Variants in LMBR1 observed in about 807,000 individuals in gnomAD.
LMBR1 encodes limb region 1 protein homolog.
In LMBR1, 52 loss-of-function variants were observed where a neutral mutation model predicts 73.9. That is an observed-to-expected ratio of 0.70 (90% CI 0.56 to 0.89). The LOEUF is 0.89. Among genes scored for constraint, LMBR1 ranks in the 40% least tolerant of loss-of-function variants. LMBR1 has a pLI of 0.00. For synonymous variants in LMBR1, 215 were observed against 209.4 expected (o/e 1.03, Z -0.23); for missense variants, 539 against 579.8 (o/e 0.93, Z 0.72).
At chr7:156,803,764 C>T (rs1831461424) in intron 4 of LMBR1, among the ~76,000 whole-genome samples, 1 of 151,704 alleles carries the variant, frequency 6.6e-6, no homozygotes, top group Non-Finnish European at 1.5e-5. Flanking sequence ...CAATGATAGA[C>T]TGGATTAAGA....
chr7:156,814,308 T>C (rs1325281045), intron 4 of LMBR1, among the ~76,000 whole-genome samples: 1 of 152,224 alleles, frequency 6.6e-6, no homozygotes, highest in Non-Finnish European at 1.5e-5. Flanking sequence ...TATATTAGTT[T>C]AGTAAGATTT....
At chr7:156,839,243 T>C (rs1838219111) in intron 1 of LMBR1, among the ~76,000 whole-genome samples, 1 of 151,976 alleles carries the variant, frequency 6.6e-6, no homozygotes, top group Non-Finnish European at 1.5e-5. Context: ...GAGACGGGGT[T>C]TCACCATGTT....
intron 15 of LMBR1, among the ~76,000 whole-genome samples, chr7:156,697,937 T>C (rs1481686243): frequency 2.6e-5 from 4 of 151,944 alleles, no homozygotes; most frequent in Non-Finnish European, 4.4e-5. Flanking sequence ...CATATTAAAA[T>C]GAGATCTTCA....
chr7:156,732,722 G>A (rs913884173), intron 10 of LMBR1, among the ~76,000 whole-genome samples: 2 of 152,126 alleles, frequency 1.3e-5, no homozygotes, highest in African/African-American at 4.8e-5. Flanking sequence ...GAGCAGTGGG[G>A]AATACTTAAC....
chr7:156,684,727 T>G (rs1296876310), intron 16 of LMBR1, among the ~76,000 whole-genome samples: 1 of 151,700 alleles, frequency 6.6e-6, no homozygotes, highest in Non-Finnish European at 1.5e-5. Context: ...GAGGCCGAGG[T>G]GGAAGGATCG....
At chr7:156,814,955 G>A (rs1262816759) in intron 4 of LMBR1, among the ~76,000 whole-genome samples, 3 of 151,880 alleles carry the variant, frequency 2.0e-5, no homozygotes, top group Non-Finnish European at 4.4e-5. Context: ...TTGAGAGCTC[G>A]AGACCACCCT....
At chr7:156,708,815 A>G (rs1811512665) in intron 15 of LMBR1, among the ~76,000 whole-genome samples, 1 of 152,146 alleles carries the variant, frequency 6.6e-6, no homozygotes, top group Admixed American at 6.5e-5. Flanking sequence ...GGCCTGGGAC[A>G]AGGTCTGCGG....
chr7:156,804,179 T>C (rs1237684095), intron 4 of LMBR1, among the ~76,000 whole-genome samples: 1 of 152,162 alleles, frequency 6.6e-6, no homozygotes, highest in Admixed American at 6.5e-5. Flanking sequence ...ATGGATTTTC[T>C]AGAACATTAT....
chr7:156,763,241 A>G, intron 6 of LMBR1, 65 bp from the exon 7 acceptor site: 2 of 683,420 alleles, frequency 2.9e-6, no homozygotes, highest in Non-Finnish European at 4.8e-6. Flanking sequence ...TAGTCAGTCT[A>G]TCTTACGATA....
chr7:156,715,946 G>A (rs1425758588), intron 15 of LMBR1, among the ~76,000 whole-genome samples: 2 of 152,092 alleles, frequency 1.3e-5, no homozygotes, highest in Admixed American at 1.3e-4. Flanking sequence ...AAGACCACCA[G>A]GGCAAAAGCA....
At chr7:156,671,561 A>G (rs1802539905) in intron 4 of LMBR1, among the ~76,000 whole-genome samples, 1 of 151,932 alleles carries the variant, frequency 6.6e-6, no homozygotes, top group Non-Finnish European at 1.5e-5. Flanking sequence ...AGATGTCATC[A>G]TAGGTCGAGA....
intron 1 of LMBR1, 122 bp from the exon 2 acceptor site, chr7:156,837,007 G>A (rs1837752083): frequency 1.5e-6 from 1 of 666,780 alleles, no homozygotes; most frequent in African/African-American, 1.9e-5. Flanking sequence ...TTAAAATGCT[G>A]GACATTTTAC....
At chr7:156,812,081 C>T (rs1833181200) in intron 4 of LMBR1, among the ~76,000 whole-genome samples, 1 of 152,132 alleles carries the variant, frequency 6.6e-6, no homozygotes, top group African/African-American at 2.4e-5. Flanking sequence ...ACTTCATCTT[C>T]ACTAATTATG....
At chr7:156,722,662 G>T (rs1814828348) in intron 15 of LMBR1, among the ~76,000 whole-genome samples, 1 of 152,080 alleles carries the variant, frequency 6.6e-6, no homozygotes, top group Admixed American at 6.5e-5. Flanking sequence ...ATCCTGTTTG[G>T]ACAGCTGGGT....
intron 15 of LMBR1, among the ~76,000 whole-genome samples, chr7:156,703,702 T>C (rs1810293442): frequency 6.6e-6 from 1 of 152,088 alleles, no homozygotes; most frequent in Non-Finnish European, 1.5e-5. Flanking sequence ...TCACTACCCT[T>C]GTTGGGACTT....
Position 156,836,821 on chromosome 7 carries a change from C to T in LMBR1, c.131G>A (p.Arg44Lys), listed in dbSNP as rs778280366. 1.0e-5 allele frequency: 16 copies of T among 1,572,720 alleles called. No homozygotes were observed. The Admixed American group carries it at 1.9e-4, about 19-fold the overall frequency. The change falls in exon 2 of 17, where the codon AGA becomes AAA. Residue 44 changes from arginine (R) to lysine (K), a missense_variant. Arg to Lys is a conservative substitution (Grantham distance 26). Transcript: ENST00000353442. The stretch of plus-strand genomic sequence containing the variant: ...GACATGTTTCCACTTGCCTGATTTT[C>T]TCTTGTATCTTGTGATGATGAAGTA... ...VSYFIITRYK[R>K]KSDEQEDEDA...
intron 15 of LMBR1, among the ~76,000 whole-genome samples, chr7:156,705,494 G>A (rs183232635): frequency 1.3e-5 from 2 of 152,320 alleles, no homozygotes; most frequent in Admixed American, 1.3e-4. Context: ...GGGAGGTAGA[G>A]GTTGCAGTGA....
At chr7:156,879,880 G>A (rs1038693237) in intron 1 of LMBR1, among the ~76,000 whole-genome samples, 17 of 152,142 alleles carry the variant, frequency 1.1e-4, no homozygotes, top group African/African-American at 3.9e-4. Context: ...AGTGAAAAGG[G>A]AACACTTCTA....
chr7:156,827,674 T>G (rs1036915167), intron 3 of LMBR1, among the ~76,000 whole-genome samples: 6 of 151,990 alleles, frequency 3.9e-5, no homozygotes, highest in African/African-American at 1.4e-4. Context: ...AAAGTTAATA[T>G]TGGAAGAAAG....
Sources: allele counts gnomAD v4.1 joint callset (sites outside exome capture counted in the v4.1 genomes callset), GRCh38; gene constraint gnomAD v4.1.1; transcripts MANE v1.5; gene names NCBI Gene and HGNC (gene_info 2026-07-23, HGNC 2026-07-21).